Variants in GOLM2 observed in about 807,000 individuals in gnomAD.
GOLM2 encodes the protein golgi membrane protein 2.
In GOLM2, 26 loss-of-function variants were observed where a neutral mutation model predicts 55.9. The observed-to-expected ratio is 0.47, with a 90% CI of 0.34 to 0.65. The LOEUF is 0.65. Ranked by LOEUF, GOLM2 falls within the 30% of genes least tolerant of loss-of-function variation. GOLM2 has a pLI of 0.01. For missense variants in GOLM2, 486 were observed against 531.8 expected (o/e 0.91, Z 0.85); for synonymous variants, 165 against 194.6 (o/e 0.85, Z 1.27).
At chr15:44,379,638 T>TTTTTTA in intron 6 of GOLM2, 52 bp from the exon 7 acceptor site, 2 of 710,018 alleles carry the variant, frequency 2.8e-6, no homozygotes, top group Non-Finnish European at 2.3e-6. Flanking sequence ...TTTTTTTTTT[T>TTTTTTA]AGAAATCATA....
intron 1 of GOLM2, among the ~76,000 whole-genome samples, chr15:44,299,625 T>G (rs756732616): frequency 1.3e-5 from 2 of 152,016 alleles, no homozygotes; most frequent in Non-Finnish European, 2.9e-5. Flanking sequence ...GAACAAGGGT[T>G]TTTGGAGTCA....
intron 6 of GOLM2, among the ~76,000 whole-genome samples, chr15:44,352,901 C>A (rs2079174245): frequency 7.0e-6 from 1 of 142,242 alleles, no homozygotes. Context: ...AGCAAAACTC[C>A]ATCTCAAAAA....
intron 1 of GOLM2, among the ~76,000 whole-genome samples, chr15:44,320,787 TG>T (rs1450126144): frequency 3.3e-5 from 5 of 152,236 alleles, no homozygotes; most frequent in Non-Finnish European, 7.3e-5. Flanking sequence ...ACACTCTACC[TG>T]GGACTGAAAG....
At chr15:44,401,562 A>T in intron 8 of GOLM2, among the ~76,000 whole-genome samples, 1 of 152,274 alleles carries the variant, frequency 6.6e-6, no homozygotes, top group East Asian at 1.9e-4. Context: ...TGCAATATAA[A>T]TTTTTGAAAT....
chr15:44,369,693 T>TACACACACACACAC (rs3986148), intron 6 of GOLM2, among the ~76,000 whole-genome samples: 165 of 143,618 alleles, frequency 1.1e-3, no homozygotes, highest in African/African-American at 4.1e-3. Context: ...TATATATGCA[T>TACACACACACACAC]ACACACACAC....
chr15:44,384,342 G>T (rs542790013), intron 8 of GOLM2, among the ~76,000 whole-genome samples: 16 of 152,292 alleles, frequency 1.1e-4, no homozygotes, highest in Admixed American at 2.6e-4. Context: ...GCCAGGCGCG[G>T]TGGCTCATGC....
At chr15:44,333,909 G>T (rs576419519) in intron 4 of GOLM2, among the ~76,000 whole-genome samples, 1 of 152,172 alleles carries the variant, frequency 6.6e-6, no homozygotes, top group South Asian at 2.1e-4. Context: ...TAGAGACGGG[G>T]TTTCACCATG....
intron 4 of GOLM2, among the ~76,000 whole-genome samples, chr15:44,333,405 C>T (rs1184987247): frequency 6.6e-6 from 1 of 152,166 alleles, no homozygotes; most frequent in Non-Finnish European, 1.5e-5. Flanking sequence ...TTAGCTTTTT[C>T]ACAATTTTAT....
intron 1 of GOLM2, among the ~76,000 whole-genome samples, chr15:44,309,763 A>G (rs1199806776): frequency 1.3e-5 from 2 of 152,194 alleles, no homozygotes; most frequent in African/African-American, 4.8e-5. Context: ...TTCTCATTTT[A>G]TAGATAAAAG....
chr15:44,397,478 C>CAAAAA (rs1007948393), intron 8 of GOLM2, among the ~76,000 whole-genome samples: 1,646 of 26,228 alleles, frequency 0.063, 2 homozygotes, highest in East Asian at 0.084. Context: ...GACTCCGTCT[C>CAAAAA]AAAAAAAAAA....
intron 9 of GOLM2, among the ~76,000 whole-genome samples, chr15:44,407,653 T>C (rs2079606515): frequency 6.6e-6 from 1 of 152,056 alleles, no homozygotes; most frequent in African/African-American, 2.4e-5. Context: ...CTTGCTATAT[T>C]GCCCAGGCTG....
At chr15:44,350,302 T>TA (rs1266099167) in intron 6 of GOLM2, among the ~76,000 whole-genome samples, 1 of 152,072 alleles carries the variant, frequency 6.6e-6, no homozygotes, top group African/African-American at 2.4e-5. Flanking sequence ...TTGCAATAGA[T>TA]ACTGCAGAAA....
At chr15:44,344,202 G>A (rs561028424) in intron 6 of GOLM2, among the ~76,000 whole-genome samples, 110 of 151,136 alleles carry the variant, frequency 7.3e-4, no homozygotes, top group Middle Eastern at 6.8e-3. Flanking sequence ...GGAGGCTTCA[G>A]TGAGCAGAGA....
At chr15:44,379,852 G>T in intron 7 of GOLM2, 64 bp downstream of exon 7, 2 of 927,492 alleles carry the variant, frequency 2.2e-6, no homozygotes, top group Non-Finnish European at 1.7e-6. Context: ...CAGTTATATA[G>T]TGTATAAAAT....
At chr15:44,359,196 A>C (rs962540728) in intron 6 of GOLM2, among the ~76,000 whole-genome samples, 7 of 151,904 alleles carry the variant, frequency 4.6e-5, no homozygotes, top group African/African-American at 1.7e-4. Context: ...AACTTCTGTG[A>C]GTGAAAATGT....
At chr15:44,396,353 A>T (rs2079526749) in intron 8 of GOLM2, among the ~76,000 whole-genome samples, 1 of 152,046 alleles carries the variant, frequency 6.6e-6, no homozygotes, top group Non-Finnish European at 1.5e-5. Flanking sequence ...GTGAGACTCC[A>T]TCAAAAAAAA....
chr15:44,390,730 C>T (rs916096803), intron 8 of GOLM2, among the ~76,000 whole-genome samples: 1 of 152,048 alleles, frequency 6.6e-6, no homozygotes, highest in African/African-American at 2.4e-5. Flanking sequence ...CCACCACGCC[C>T]GGCTAATGTT....
At chr15:44,385,364 C>T (rs955675903) in intron 8 of GOLM2, among the ~76,000 whole-genome samples, 13 of 136,330 alleles carry the variant, frequency 9.5e-5, no homozygotes, top group Non-Finnish European at 1.1e-4. Context: ...CCCTCCCTTC[C>T]TCCCTTCCTT....
At chr15:44,338,151 T>TA in intron 5 of GOLM2, 86 bp from the exon 6 acceptor site, 1 of 1,322,504 alleles carries the variant, frequency 7.6e-7, no homozygotes, top group Non-Finnish European at 1.1e-6. Flanking sequence ...CTATTACTTT[T>TA]AGAAACTGAT....
Sources: gnomAD v4.1 joint callset for allele counts (sites outside exome capture counted in the v4.1 genomes callset) on GRCh38, gnomAD v4.1.1 for gene constraint, MANE v1.5 for transcripts, NCBI Gene and HGNC (gene_info 2026-07-23, HGNC 2026-07-21) for gene names.